GALNTL6: variants seen among roughly 807,000 people sequenced by gnomAD.
The protein encoded by GALNTL6 is polypeptide N-acetylgalactosaminyltransferase-like 6.
Under a neutral mutation model 73.7 loss-of-function variants are expected in GALNTL6, and 46 were observed. The observed-to-expected ratio is 0.62, with a 90% CI of 0.49 to 0.80. The LOEUF (loss-of-function observed/expected upper bound fraction) is 0.80, where lower values mean the gene tolerates loss of function less well. Ranked by LOEUF, GALNTL6 falls within the 30% of genes least tolerant of loss-of-function variation. GALNTL6 has a pLI of 0.00. For missense variants in GALNTL6, 604 were observed against 755.0 expected, an observed-to-expected ratio of 0.80 and a Z score of 2.34; for synonymous variants, 259 against 263.7, an observed-to-expected ratio of 0.98 and a Z score of 0.17.
intron 5 of GALNTL6, among the ~76,000 whole-genome samples, chr4:172,712,739 G>C (rs1368220165): frequency 6.6e-6 from 1 of 152,126 alleles, no homozygotes; most frequent in Non-Finnish European, 1.5e-5. Flanking sequence ...ATGTATGCTT[G>C]TACAACAAGG....
intron 3 of GALNTL6, among the ~76,000 whole-genome samples, chr4:172,283,177 CAT>C (rs1579330783): frequency 6.6e-6 from 1 of 152,272 alleles, no homozygotes; most frequent in East Asian, 1.9e-4. Flanking sequence ...TCTGTAAACA[CAT>C]GAGTGAGACA....
chr4:172,709,098 T>C (rs75292171), intron 5 of GALNTL6, among the ~76,000 whole-genome samples: 67 of 152,350 alleles, frequency 4.4e-4, no homozygotes, highest in Non-Finnish European at 8.1e-4. Flanking sequence ...CATGCCCACA[T>C]GCATGCTTGC....
chr4:172,687,512 C>T (rs1316537178), intron 5 of GALNTL6, among the ~76,000 whole-genome samples: 1 of 151,584 alleles, frequency 6.6e-6, no homozygotes, highest in Non-Finnish European at 1.5e-5. Context: ...CCTGTAATCC[C>T]AGCTACTTGG....
chr4:171,875,542 G>A (rs890097022), intron 2 of GALNTL6, among the ~76,000 whole-genome samples: 4 of 152,112 alleles, frequency 2.6e-5, no homozygotes, highest in African/African-American at 9.7e-5. Flanking sequence ...CAGCAGGGCA[G>A]TGTTGCTCAT....
At chr4:171,974,012 A>AT (rs1351930026) in intron 2 of GALNTL6, among the ~76,000 whole-genome samples, 1 of 151,604 alleles carries the variant, frequency 6.6e-6, no homozygotes, top group African/African-American at 2.4e-5. Context: ...TTATTTATTT[A>AT]TTTTTTTGAA....
chr4:172,727,480 AT>A (rs141044336), intron 5 of GALNTL6, among the ~76,000 whole-genome samples: 3,269 of 152,370 alleles, frequency 0.021, 111 homozygotes, highest in African/African-American at 0.074. Flanking sequence ...ATTTAATCTA[AT>A]AAATTAGCCA....
At chr4:172,907,994 A>T (rs1746998142) in intron 8 of GALNTL6, among the ~76,000 whole-genome samples, 1 of 152,166 alleles carries the variant, frequency 6.6e-6, no homozygotes, top group Non-Finnish European at 1.5e-5. Flanking sequence ...AATATGAGTT[A>T]TTTGAACACA....
At chr4:173,025,616 T>G (rs1753201018) in intron 12 of GALNTL6, among the ~76,000 whole-genome samples, 1 of 152,202 alleles carries the variant, frequency 6.6e-6, no homozygotes, top group African/African-American at 2.4e-5. Flanking sequence ...GAGGGAGATT[T>G]CACAAAACCT....
chr4:171,859,479 A>C (rs1263310645), intron 2 of GALNTL6, among the ~76,000 whole-genome samples: 2 of 152,076 alleles, frequency 1.3e-5, no homozygotes, highest in Non-Finnish European at 2.9e-5. Flanking sequence ...TGGACTCCCC[A>C]AGATTACCCT....
intron 2 of GALNTL6, among the ~76,000 whole-genome samples, chr4:171,922,015 T>A (rs546712926): frequency 3.7e-4 from 56 of 152,168 alleles, no homozygotes; most frequent in African/African-American, 1.3e-3. Context: ...TGTAATTCTA[T>A]AATATTTACT....
At chr4:172,171,430 G>A (rs1350544358) in intron 2 of GALNTL6, among the ~76,000 whole-genome samples, 3 of 152,244 alleles carry the variant, frequency 2.0e-5, no homozygotes, top group Non-Finnish European at 2.9e-5. Context: ...TAATGTATGA[G>A]TACATACAGG....
intron 5 of GALNTL6, among the ~76,000 whole-genome samples, chr4:172,378,777 A>C (rs921348670): frequency 3.9e-5 from 6 of 152,070 alleles, no homozygotes; most frequent in African/African-American, 1.2e-4. Context: ...TATAAGCCAA[A>C]ATTTTTGAGA....
intron 2 of GALNTL6, among the ~76,000 whole-genome samples, chr4:171,933,304 A>G (rs546515007): frequency 2.0e-4 from 31 of 152,332 alleles, no homozygotes; most frequent in African/African-American, 4.8e-4. Context: ...TTCAATAAGT[A>G]TAATTTTAAA....
chr4:172,952,503 G>GTT (rs1371689219), intron 10 of GALNTL6, among the ~76,000 whole-genome samples: 1 of 150,974 alleles, frequency 6.6e-6, no homozygotes, highest in African/African-American at 2.4e-5. Context: ...ATTTTTGTTT[G>GTT]TTTGTTTTTG....
At chr4:172,479,810 T>C (rs1177835817) in intron 5 of GALNTL6, among the ~76,000 whole-genome samples, 1 of 152,242 alleles carries the variant, frequency 6.6e-6, no homozygotes, top group Admixed American at 6.5e-5. Flanking sequence ...AGTTAAGTTA[T>C]GAAGTGTTTG....
intron 2 of GALNTL6, among the ~76,000 whole-genome samples, chr4:171,984,160 T>C (rs1181762876): frequency 1.3e-5 from 2 of 152,124 alleles, no homozygotes; most frequent in African/African-American, 4.8e-5. Context: ...GAAGGAGAGC[T>C]TGACTTCCCT....
At chr4:172,980,772 G>A (rs546223385) in intron 10 of GALNTL6, among the ~76,000 whole-genome samples, 47 of 152,232 alleles carry the variant, frequency 3.1e-4, no homozygotes, top group South Asian at 2.1e-3. Flanking sequence ...TTACATTGAC[G>A]GTTAGGGCTT....
chr4:172,776,487 T>A (rs1739078175), intron 5 of GALNTL6, among the ~76,000 whole-genome samples: 1 of 152,238 alleles, frequency 6.6e-6, no homozygotes, highest in African/African-American at 2.4e-5. Flanking sequence ...TTGTTAGGGC[T>A]CAGTTAACAT....
chr4:172,150,223 C>A (rs929891557), intron 2 of GALNTL6, among the ~76,000 whole-genome samples: 3 of 152,130 alleles, frequency 2.0e-5, no homozygotes, highest in African/African-American at 7.2e-5. Flanking sequence ...ATAGTGCCAG[C>A]CTTGCATACT....
Sources: gnomAD v4.1 joint callset for allele counts (sites outside exome capture counted in the v4.1 genomes callset) on GRCh38, gnomAD v4.1.1 for gene constraint, MANE v1.5 for transcripts, NCBI Gene and HGNC (gene_info 2026-07-23, HGNC 2026-07-21) for gene names.